Variants in CEP44 observed in about 807,000 individuals in gnomAD.
CEP44 encodes centrosomal protein 44.
In CEP44, 45 loss-of-function variants were observed where a neutral mutation model predicts 46.7. The ratio of observed to expected loss-of-function variants is 0.96; its 90% CI spans 0.76 to 1.24. The LOEUF (loss-of-function observed/expected upper bound fraction) is 1.24. CEP44 is among the 50% of genes most tolerant of loss of function. The pLI is 0.00. For synonymous variants in CEP44, 142 were observed against 146.0 expected (o/e 0.97, Z 0.20); for missense variants, 475 against 459.7 (o/e 1.03, Z -0.30).
downstream of CEP44, among the ~76,000 whole-genome samples, chr4:174,323,490 G>A (rs1178819484): frequency 6.6e-6 from 1 of 151,976 alleles, no homozygotes; most frequent in African/African-American, 2.4e-5. Flanking sequence ...GCCAATCACT[G>A]AGACAATGAG....
downstream of CEP44, among the ~76,000 whole-genome samples, chr4:174,323,484 A>G (rs999359165): frequency 2.0e-5 from 3 of 152,194 alleles, no homozygotes; most frequent in African/African-American, 4.8e-5. Context: ...CAGTAAGCCA[A>G]TCACTGAGAC....
chr4:174,327,484 G>T (rs1742757315), intron 8 of CEP44, among the ~76,000 whole-genome samples: 1 of 151,800 alleles, frequency 6.6e-6, no homozygotes, highest in African/African-American at 2.4e-5. Context: ...AGAAAAGGTA[G>T]CTAAGACAAC....
chr4:174,293,152 G>T (rs1013574424), intron 1 of CEP44, among the ~76,000 whole-genome samples: 3 of 152,172 alleles, frequency 2.0e-5, no homozygotes, highest in Admixed American at 1.3e-4. Context: ...TGTTACTGGG[G>T]CTTGGGTGGG....
At chr4:174,294,197 G>A (rs1201922137) in intron 1 of CEP44, among the ~76,000 whole-genome samples, 5 of 151,266 alleles carry the variant, frequency 3.3e-5, no homozygotes, top group African/African-American at 1.2e-4. Flanking sequence ...GCGGCCTTCC[G>A]CAGTGTTTGT....
In CEP44 at chr4:174,314,422, T is replaced by C. The variant is rs1741424457; in HGVS notation, c.962-1744T>C. ...AACTGATCTGGCTATTAAATATAGC[T>C]GGTGTTCTGTAATGGTCCACTCTGT... On this transcript the variant is annotated intron_variant, in intron 9 of 11. Coordinates refer to ENST00000503780, the MANE Select transcript of CEP44 (RefSeq NM_001040157.3). This position sits in a 1 kb window ranked among gnomAD's most constrained non-coding sequence, Gnocchi z 4.1. Among the ~76,000 whole-genome samples the C allele has an allele frequency of 2.0e-5, 3 of 152,234 alleles. No homozygotes were observed. In the South Asian group the frequency reaches 6.2e-4, roughly 32 times the overall value.
rs1329061218 is a variant in CEP44, at chr4:174,329,480, T to C, written c.1087-2002T>C. Among the ~76,000 whole-genome samples the C allele has an allele frequency of 1.3e-5, 2 of 152,226 alleles. No homozygotes were observed. Among genetic ancestry groups the C allele is most frequent in the African/African-American group, 2.4e-5 (1 of 41,466 alleles). On this transcript the variant is annotated intron_variant, in intron 8 of 8. Transcript: ENST00000426172. The surrounding 1 kb of genome is among the most constrained non-coding windows in gnomAD (Gnocchi z 4.0). ...AGGAAACGTGTTTAAATTGTTTTGA[T>C]ATGCCTTCAAAGTTATAAAAGTTAT...
At chr4:174,293,971 T>A (rs1325224028) in intron 1 of CEP44, among the ~76,000 whole-genome samples, 2 of 152,172 alleles carry the variant, frequency 1.3e-5, no homozygotes, top group East Asian at 3.8e-4. Context: ...TGTAGTGGTA[T>A]TTTGGTTTAA....
At position 174,312,558 on chromosome 4, in the gene CEP44, C is replaced by G. The variant is rs1579139432; in HGVS notation, c.961+1700C>G. Among the ~76,000 whole-genome samples, 1 of 152,274 alleles carries G rather than the reference C, an allele frequency of 6.6e-6. No individual in the cohort carries two copies. The highest frequency in any genetic ancestry group is 1.9e-4 in the East Asian group (1 of 5,186). On this transcript the variant is annotated intron_variant, in intron 9 of 11. Transcript: ENST00000503780. This position sits in a 1 kb window ranked among gnomAD's most constrained non-coding sequence, Gnocchi z 4.5. ...GGCTCAAGCAATCCTCCCATCTCTGCTTCTCAAAGTACTGGGATTACAGGT... is the reference window on the plus strand; with the variant it reads ...GGCTCAAGCAATCCTCCCATCTCTGGTTCTCAAAGTACTGGGATTACAGGT...
rs560195818 is a variant in CEP44 at position 174,311,481 on chromosome 4, A to G, written c.961+623A>G. On this transcript the variant is annotated intron_variant, in intron 9 of 11. Transcript: ENST00000503780. This position sits in a 1 kb window ranked among gnomAD's most constrained non-coding sequence, Gnocchi z 4.4. ...CCATATCTATGATTAAATCATAGCT[A>G]TAGAAGAGATGTTTTGTCCAATTGA... 6.8e-4 allele frequency among the ~76,000 whole-genome samples: 103 copies of G among 152,232 alleles called. No individual in the cohort carries two copies. The highest frequency in any genetic ancestry group is 2.3e-3 in the African/African-American group (95 of 41,560).
At position 174,299,196 on chromosome 4, in the gene CEP44, G is replaced by A. The variant is rs374364731; in HGVS notation, c.75G>A (p.Glu25=). 2 of 1,613,308 alleles carry A rather than the reference G, an allele frequency of 1.2e-6. No homozygotes were observed. The highest frequency in any genetic ancestry group is 1.3e-5 in the African/African-American group (1 of 74,924). The change falls in exon 3 of 12, where the codon GAG becomes GAA. Residue 25 remains glutamate, a synonymous_variant. Transcript: ENST00000503780. The part of the protein sequence containing the change: ...QVLRLLNYPE[E]VDCVGLIKGD... ...TCCGCTTGCTAAATTATCCTGAAGAGGTGGACTGTGTAGGGTAAGCTATAA... is the reference window on the plus strand; with the variant it reads ...TCCGCTTGCTAAATTATCCTGAAGAAGTGGACTGTGTAGGGTAAGCTATAA...
rs1053112656 is a variant in CEP44 at position 174,319,831 on chromosome 4, G to A, written c.*2448G>A. 5.8e-5 allele frequency: 57 copies of A among 984,190 alleles called. No homozygotes were observed. In the African/African-American group the frequency reaches 9.4e-4, roughly 16 times the overall value. 61.0% of individuals were successfully genotyped at this position (984,190 alleles called of 1,614,324 possible). A position where few individuals can be genotyped will look rare whatever the true frequency, so the allele number is the denominator to read the frequency against. Reference sequence around the variant, plus strand: ...ATAAAGCAAATTCAACTTTATTGGAGTTATTGGACAGATCAGCAAATTGTT... The same window carrying A: ...ATAAAGCAAATTCAACTTTATTGGAATTATTGGACAGATCAGCAAATTGTT... On this transcript the variant is annotated 3_prime_UTR_variant, in exon 12 of 12. Coordinates refer to ENST00000503780, the MANE Select transcript of CEP44 (RefSeq NM_001040157.3).
rs756892027 is a variant in CEP44, at chr4:174,316,158, C to T, written c.962-8C>T. ...GAAAAGGTAATCTAAAACTTAATTT[C>T]TTCACAGACAGAAAAAGCGAAGTAG... On this transcript the variant is annotated splice_region_variant and splice_polypyrimidine_tract_variant and intron_variant, in intron 9 of 11. Coordinates refer to ENST00000503780, the MANE Select transcript of CEP44 (RefSeq NM_001040157.3). 1 of 1,610,388 alleles carries T rather than the reference C, an allele frequency of 6.2e-7. No homozygotes were observed. Among genetic ancestry groups the T allele is most frequent in the Non-Finnish European group, 8.5e-7 (1 of 1,179,190 alleles).
intron 1 of CEP44, among the ~76,000 whole-genome samples, chr4:174,294,230 G>A (rs1738572320): frequency 6.6e-6 from 1 of 150,794 alleles, no homozygotes; most frequent in African/African-American, 2.4e-5. Context: ...TTGAGATTAG[G>A]GAGTGGTGAT....
At chr4:174,330,061 C>G (rs901188886) in intron 8 of CEP44, among the ~76,000 whole-genome samples, 12 of 152,144 alleles carry the variant, frequency 7.9e-5, no homozygotes, top group African/African-American at 2.7e-4. Flanking sequence ...AACACACATT[C>G]ATTTTATTGT....
intron 11 of CEP44, 137 bp downstream of exon 11, chr4:174,316,704 C>A: frequency 1.5e-6 from 1 of 677,118 alleles, no homozygotes; most frequent in Non-Finnish European, 2.4e-6. Context: ...TTCAGGACTC[C>A]ACTGGATAAT....
intron 1 of CEP44, chr4:174,285,548 T>C (rs1393508299): frequency 6.6e-6 from 1 of 152,116 alleles, no homozygotes; most frequent in Non-Finnish European, 1.5e-5. Context: ...CACTGAAATG[T>C]TTTCCAAAAT....
At chr4:174,284,021 C>T (rs1349486713) in intron 1 of CEP44, 78 bp downstream of exon 1, 4 of 399,590 alleles carry the variant, frequency 1.0e-5, no homozygotes, top group Non-Finnish European at 1.8e-5. Context: ...AGGCGCCTGG[C>T]TGTAGCGACT....
chr4:174,310,684 TATC>T lies in CEP44; in HGVS notation c.886-96_886-94del, dbSNP rs1309436894. The T allele has an allele frequency of 1.7e-5, 11 of 657,646 alleles. No homozygotes were observed. The highest frequency in any genetic ancestry group is 2.9e-5 in the Non-Finnish European group (11 of 380,742). The allele number at this position is 657,646 out of a possible 1,614,324, so 40.7% of individuals were successfully genotyped here. On this transcript the variant is annotated intron_variant, in intron 8 of 11. Transcript: ENST00000503780. The surrounding 1 kb of genome is among the most constrained non-coding windows in gnomAD (Gnocchi z 4.2). ...AAAAAATTAAAAATATTTAAACATT[TATC>T]ATGCTACCTTTATATTTTATGCTCA... is the stretch of plus-strand genomic sequence containing the variant.
intron 1 of CEP44, among the ~76,000 whole-genome samples, chr4:174,291,902 C>G (rs1448109199): frequency 6.7e-6 from 1 of 148,850 alleles, no homozygotes; most frequent in Non-Finnish European, 1.5e-5. Context: ...GTCAGCCTCC[C>G]ACCACAGCCT....
Sources: allele counts gnomAD v4.1 joint callset (sites outside exome capture counted in the v4.1 genomes callset), GRCh38; gene constraint gnomAD v4.1.1; non-coding constraint Gnocchi (gnomAD v3.1); transcripts MANE v1.5; gene names NCBI Gene and HGNC (gene_info 2026-07-23, HGNC 2026-07-21).